The following PDE4D variants were observed in gnomAD, a reference collection of about 807,000 sequenced individuals.
PDE4D encodes the protein 3',5'-cyclic-AMP phosphodiesterase 4D.
Under a neutral mutation model 87.4 loss-of-function variants are expected in PDE4D, and 24 were observed. The observed-to-expected ratio is 0.27, with a 90% CI of 0.20 to 0.39. PDE4D has a LOEUF of 0.39. PDE4D is among the 10% of genes least tolerant of loss of function. The pLI, the probability that PDE4D is intolerant of heterozygous loss-of-function variation, is 1.00. For missense variants in PDE4D, 714 were observed against 1,041.0 expected, an observed-to-expected ratio of 0.69 and a Z score of 4.32; for synonymous variants, 384 against 383.2, an observed-to-expected ratio of 1.00 and a Z score of -0.02.
intron 2 of PDE4D, among the ~76,000 whole-genome samples, chr5:60,125,148 C>T (rs527250067): frequency 5.1e-4 from 77 of 152,212 alleles, no homozygotes; most frequent in African/African-American, 1.8e-3. Flanking sequence ...CTCAAGACTA[C>T]CATAACCAAC....
intron 2 of PDE4D, among the ~76,000 whole-genome samples, chr5:60,047,688 T>G (rs1009076372): frequency 2.6e-5 from 4 of 152,216 alleles, no homozygotes; most frequent in Non-Finnish European, 4.4e-5. Context: ...TTGAATGAGA[T>G]TCTTAATCCT....
chr5:59,779,611 A>G (rs1170252142), intron 1 of PDE4D, among the ~76,000 whole-genome samples: 2 of 152,202 alleles, frequency 1.3e-5, no homozygotes, highest in Non-Finnish European at 2.9e-5. Context: ...GGCTTCTTAA[A>G]AACATAGTGT....
chr5:59,166,715 G>A (rs755947627), intron 5 of PDE4D, among the ~76,000 whole-genome samples: 18 of 152,182 alleles, frequency 1.2e-4, no homozygotes, highest in Non-Finnish European at 1.9e-4. Flanking sequence ...CCCCATCTAA[G>A]CTAATTTGAC....
intron 1 of PDE4D, among the ~76,000 whole-genome samples, chr5:59,518,193 TTGTGTGTGTG>T (rs34669732): frequency 4.0e-4 from 60 of 149,544 alleles, no homozygotes; most frequent in African/African-American, 9.0e-4. Flanking sequence ...ACTTGTGTGT[TTGTGTGTGTG>T]TGTGTGTGTG....
chr5:59,667,323 A>G (rs890298765), intron 1 of PDE4D, among the ~76,000 whole-genome samples: 1 of 151,686 alleles, frequency 6.6e-6, no homozygotes, highest in Admixed American at 6.6e-5. Context: ...ATTGCATTAC[A>G]TTTTTTGAGA....
At chr5:59,831,324 C>A in intron 1 of PDE4D, among the ~76,000 whole-genome samples, 1 of 36,934 alleles carries the variant, frequency 2.7e-5, no homozygotes, top group Admixed American at 2.3e-4. Context: ...ATAAATTATT[C>A]TCAAAAAAAA....
At chr5:60,260,918 A>G (rs1357524803) in intron 1 of PDE4D, among the ~76,000 whole-genome samples, 2 of 152,124 alleles carry the variant, frequency 1.3e-5, no homozygotes, top group African/African-American at 4.8e-5. Context: ...TTTCAAAGTC[A>G]TTGCCAACCT....
At chr5:58,980,439 AAC>A (rs1744842825) in intron 11 of PDE4D, among the ~76,000 whole-genome samples, 1 of 152,160 alleles carries the variant, frequency 6.6e-6, no homozygotes, top group South Asian at 2.1e-4. Context: ...CCAGGAAATC[AAC>A]ACAGTCCACT....
chr5:59,898,129 T>C (rs1006106416), upstream of PDE4D, among the ~76,000 whole-genome samples: 2 of 152,208 alleles, frequency 1.3e-5, no homozygotes, highest in Non-Finnish European at 2.9e-5. Flanking sequence ...AGAAATGCTG[T>C]ACTTGAATAT....
intron 5 of PDE4D, among the ~76,000 whole-genome samples, chr5:59,158,903 T>C (rs556593691): frequency 8.1e-4 from 124 of 152,264 alleles, no homozygotes; most frequent in Middle Eastern, 3.4e-3. Flanking sequence ...TCTTTTGTAA[T>C]AGCAAACGGT....
intron 1 of PDE4D, among the ~76,000 whole-genome samples, chr5:60,363,684 C>T (rs75307867): frequency 6.6e-6 from 1 of 152,132 alleles, no homozygotes; most frequent in Non-Finnish European, 1.5e-5. Context: ...CCAGAGGAGA[C>T]CTCTCTAAGA....
At chr5:59,472,890 G>A (rs1167919547) in intron 1 of PDE4D, among the ~76,000 whole-genome samples, 1 of 151,956 alleles carries the variant, frequency 6.6e-6, no homozygotes, top group Non-Finnish European at 1.5e-5. Flanking sequence ...AGGAAAGTAA[G>A]GGCTAAAAGC....
At chr5:59,928,861 A>G (rs530783105) in intron 3 of PDE4D, among the ~76,000 whole-genome samples, 1 of 149,884 alleles carries the variant, frequency 6.7e-6, no homozygotes, top group South Asian at 2.1e-4. Context: ...AAATTTCTAT[A>G]TATTCTATAT....
chr5:59,068,785 C>A (rs1403657087), intron 5 of PDE4D, among the ~76,000 whole-genome samples: 1 of 152,200 alleles, frequency 6.6e-6, no homozygotes, highest in African/African-American at 2.4e-5. Flanking sequence ...TCTTGGGCCA[C>A]ATACCCAAGT....
chr5:59,905,520 C>A (rs904193709), intron 3 of PDE4D, among the ~76,000 whole-genome samples: 1 of 152,114 alleles, frequency 6.6e-6, no homozygotes, highest in African/African-American at 2.4e-5. Flanking sequence ...ATGGGCATTA[C>A]AGCCAGAACG....
At chr5:59,821,526 T>C (rs1363089811) in intron 1 of PDE4D, among the ~76,000 whole-genome samples, 2 of 152,224 alleles carry the variant, frequency 1.3e-5, no homozygotes, top group African/African-American at 4.8e-5. Flanking sequence ...TACTTAATAG[T>C]TTTTGGATGT....
chr5:59,260,744 T>G, intron 1 of PDE4D, among the ~76,000 whole-genome samples: 1 of 151,650 alleles, frequency 6.6e-6, no homozygotes, highest in East Asian at 1.9e-4. Context: ...TCAAAAAAGC[T>G]AATTACTTAA....
At chr5:59,781,908 C>T (rs1764676943) in intron 1 of PDE4D, among the ~76,000 whole-genome samples, 1 of 151,288 alleles carries the variant, frequency 6.6e-6, no homozygotes, top group African/African-American at 2.4e-5. Context: ...GTTATATCAG[C>T]CTATGTGGAG....
At chr5:59,916,213 A>G (rs1466787069) in intron 3 of PDE4D, among the ~76,000 whole-genome samples, 1 of 152,212 alleles carries the variant, frequency 6.6e-6, no homozygotes, top group Non-Finnish European at 1.5e-5. Context: ...CTAATACACC[A>G]AGACCTAAGG....
Sources: gnomAD v4.1 joint callset for allele counts (sites outside exome capture counted in the v4.1 genomes callset) on GRCh38, gnomAD v4.1.1 for gene constraint, MANE v1.5 for transcripts, NCBI Gene and HGNC (gene_info 2026-07-23, HGNC 2026-07-21) for gene names.